SPON1: variants seen among roughly 807,000 people sequenced by gnomAD.
SPON1 encodes the protein spondin 1.
SPON1 carries 52 observed loss-of-function variants against 111.7 expected under a neutral mutation model. The ratio of observed to expected loss-of-function variants is 0.47; its 90% CI spans 0.37 to 0.59. The LOEUF is 0.59. Among genes scored for constraint, SPON1 ranks in the 20% least tolerant of loss-of-function variants. SPON1 has a pLI of 0.00. For synonymous variants in SPON1, 410 were observed against 395.8 expected (o/e 1.04, Z -0.43); for missense variants, 957 against 1,068.5 (o/e 0.90, Z 1.46).
At chr11:14,249,204 G>A (rs782460532) in intron 7 of SPON1, among the ~76,000 whole-genome samples, 8 of 152,208 alleles carry the variant, frequency 5.3e-5, no homozygotes, top group Non-Finnish European at 8.8e-5. Flanking sequence ...TGAGGCCAGT[G>A]GAGTAGAGAC....
At chr11:14,009,148 T>C (rs1197194436) in intron 2 of SPON1, among the ~76,000 whole-genome samples, 3 of 152,198 alleles carry the variant, frequency 2.0e-5, no homozygotes, top group Non-Finnish European at 4.4e-5. Flanking sequence ...CCTCATCATC[T>C]TGAAAAGGGC....
At chr11:14,148,616 AG>A (rs1554929599) in intron 6 of SPON1, among the ~76,000 whole-genome samples, 1 of 152,216 alleles carries the variant, frequency 6.6e-6, no homozygotes, top group Non-Finnish European at 1.5e-5. Context: ...CTGTTATTTT[AG>A]GTGAGAAAAC....
intron 5 of SPON1, among the ~76,000 whole-genome samples, chr11:14,123,369 GT>G (rs1847415926): frequency 6.6e-6 from 1 of 152,128 alleles, no homozygotes; most frequent in Non-Finnish European, 1.5e-5. Flanking sequence ...TCCCAGGCCT[GT>G]TTTCTAAGCT....
chr11:14,257,932 C>T (rs1241064708), intron 11 of SPON1, 34 bp downstream of exon 11: 1 of 1,487,788 alleles, frequency 6.7e-7, no homozygotes, highest in Non-Finnish European at 9.0e-7. Context: ...CAGGGGCTGG[C>T]AGGAGTTCAG....
rs139258919 is a variant in SPON1 at position 14,134,088 on chromosome 11, G to C, written c.677-1332G>C. Among the ~76,000 whole-genome samples, 48 of 150,142 alleles carry C rather than the reference G, an allele frequency of 3.2e-4. 1 individual carries two copies. The highest frequency in any genetic ancestry group is 1.1e-3 in the African/African-American group (45 of 40,788). ...TCAAGAGTGTTTATTAAAATAGGCA[G>C]TAATGGGGTGAAGAGTTCTGCCCAC... On this transcript the variant is annotated intron_variant, in intron 5 of 15. Coordinates refer to ENST00000576479, the MANE Select transcript of SPON1 (RefSeq NM_006108.4).
chr11:13,982,993 C>A, intron 2 of SPON1, 40 bp downstream of exon 2: 1 of 1,368,524 alleles, frequency 7.3e-7, no homozygotes, highest in Non-Finnish European at 1.0e-6. Flanking sequence ...CCCTCCCTGC[C>A]CTAGGAGGTA....
intron 1 of SPON1, among the ~76,000 whole-genome samples, chr11:13,976,464 ACAT>A (rs1848104625): frequency 6.6e-6 from 1 of 152,234 alleles, no homozygotes; most frequent in African/African-American, 2.4e-5. Flanking sequence ...CTGTGTAACA[ACAT>A]CATCACCAGT....
At chr11:13,976,498 C>T (rs1423729510) in intron 1 of SPON1, among the ~76,000 whole-genome samples, 2 of 152,128 alleles carry the variant, frequency 1.3e-5, no homozygotes, top group Non-Finnish European at 2.9e-5. Context: ...GATTAAAACC[C>T]CACACTGAGT....
intron 6 of SPON1, among the ~76,000 whole-genome samples, chr11:14,204,398 C>G (rs1440785165): frequency 1.3e-5 from 2 of 152,186 alleles, no homozygotes; most frequent in Non-Finnish European, 2.9e-5. Context: ...CCTCCTACCT[C>G]AGCCTCCCAA....
At chr11:14,244,663 G>A (rs569601934) in intron 7 of SPON1, among the ~76,000 whole-genome samples, 4 of 151,130 alleles carry the variant, frequency 2.6e-5, no homozygotes, top group East Asian at 2.0e-4. Context: ...TAGGAGCATC[G>A]CCCGGGTCCA....
chr11:14,238,876 T>C (rs1554939435), intron 6 of SPON1, among the ~76,000 whole-genome samples: 1 of 152,228 alleles, frequency 6.6e-6, no homozygotes, highest in East Asian at 1.9e-4. Flanking sequence ...ATCATCCAAA[T>C]GAACCATGAA....
At chr11:14,113,566 A>T (rs868914069) in intron 5 of SPON1, among the ~76,000 whole-genome samples, 839 of 32,610 alleles carry the variant, frequency 0.026, 24 homozygotes, top group African/African-American at 0.1. Flanking sequence ...TGTACTTTTT[A>T]AATTTTTTTT....
Position 13,995,915 on chromosome 11 carries a change from A to G in SPON1, c.345+12962A>G, listed in dbSNP as rs549171040. On this transcript the variant is annotated intron_variant, in intron 2 of 15. Coordinates refer to ENST00000576479, the MANE Select transcript of SPON1 (RefSeq NM_006108.4). ...TAAAATTGCTGCATCTGTGCAAATA[A>G]GAAAACAATCATTTGCAGAAAGTGG... 5.3e-5 allele frequency among the ~76,000 whole-genome samples: 8 copies of G among 152,326 alleles called. No individual in the cohort carries two copies. The South Asian group carries it at 1.7e-3, about 32-fold the overall frequency.
intron 5 of SPON1, among the ~76,000 whole-genome samples, chr11:14,092,043 G>C (rs940415568): frequency 2.0e-5 from 3 of 152,182 alleles, no homozygotes; most frequent in Admixed American, 6.5e-5. Context: ...AGATGAACAG[G>C]GTTCCTCAGT....
At chr11:14,249,600 A>C (rs1438892903) in intron 7 of SPON1, among the ~76,000 whole-genome samples, 2 of 152,224 alleles carry the variant, frequency 1.3e-5, no homozygotes, top group African/African-American at 4.8e-5. Flanking sequence ...ATGAGAGACA[A>C]CACAGCATAT....
At chr11:14,141,633 C>T (rs1847657448) in intron 6 of SPON1, among the ~76,000 whole-genome samples, 1 of 152,128 alleles carries the variant, frequency 6.6e-6, no homozygotes, top group Non-Finnish European at 1.5e-5. Context: ...AATAGACAAG[C>T]AGATGTTCTT....
Position 13,962,808 on chromosome 11 carries a change from C to A in SPON1, c.-97C>A. The A allele has an allele frequency of 8.5e-7, 1 of 1,177,398 alleles. No individual in the cohort carries two copies. The highest frequency in any genetic ancestry group is 1.1e-6 in the Non-Finnish European group (1 of 888,034). The allele number at this position is 1,177,398 out of a possible 1,614,324, so 72.9% of individuals were successfully genotyped here. ...CCAGCTCCGAGCTCCCTCTCTCCGCCGCGCCTCCGCCAGGTCGCGCCTTCG... is the reference window on the plus strand; with the variant it reads ...CCAGCTCCGAGCTCCCTCTCTCCGCAGCGCCTCCGCCAGGTCGCGCCTTCG... On this transcript the variant is annotated 5_prime_UTR_variant, in exon 1 of 16. Coordinates refer to ENST00000576479, the MANE Select transcript of SPON1 (RefSeq NM_006108.4).
chr11:14,039,450 G>A (rs782203166), intron 2 of SPON1, among the ~76,000 whole-genome samples: 2 of 152,024 alleles, frequency 1.3e-5, no homozygotes, highest in East Asian at 1.9e-4. Context: ...AGGGGTGAAG[G>A]GACAGGGAAT....
chr11:14,160,691 T>TTATA (rs1485836773), intron 6 of SPON1, among the ~76,000 whole-genome samples: 4 of 11,548 alleles, frequency 3.5e-4, no homozygotes, highest in African/African-American at 3.1e-3. Flanking sequence ...ATATATATAT[T>TTATA]TATATATTTA....
Sources: allele counts gnomAD v4.1 joint callset (sites outside exome capture counted in the v4.1 genomes callset), GRCh38; gene constraint gnomAD v4.1.1; transcripts MANE v1.5; gene names NCBI Gene and HGNC (gene_info 2026-07-23, HGNC 2026-07-21).